Variants in FTCDNL1 observed in about 807,000 individuals in gnomAD.
The protein encoded by FTCDNL1 is formiminotransferase cyclodeaminase N-terminal like.
FTCDNL1 carries 11 observed loss-of-function variants against 5.9 expected under a neutral mutation model. That is an observed-to-expected ratio of 1.87 (90% confidence interval 1.18 to 3.10). FTCDNL1 has a LOEUF of 3.10. Among genes scored for constraint, FTCDNL1 ranks in the 30% most tolerant of loss-of-function variants. The probability of loss-of-function intolerance (pLI) is 0.00; values close to 1 mark genes in which losing one functional copy is unlikely to be tolerated. For synonymous variants in FTCDNL1, 58 were observed against 24.8 expected, an observed-to-expected ratio of 2.34 and a Z score of -3.99; for missense variants, 115 against 65.5, an observed-to-expected ratio of 1.76 and a Z score of -2.61.
intron 3 of FTCDNL1, among the ~76,000 whole-genome samples, chr2:199,845,296 G>A (rs2076701426): frequency 6.6e-6 from 1 of 152,116 alleles, no homozygotes; most frequent in South Asian, 2.1e-4. Context: ...GCCGGGCTCA[G>A]TGGCTCAATC....
the FTCDNL1 span, among the ~76,000 whole-genome samples, chr2:199,728,610 T>C: frequency 6.6e-6 from 1 of 152,134 alleles, no homozygotes; most frequent in Non-Finnish European, 1.5e-5. Flanking sequence ...TTATAAAACT[T>C]ATACCAGGGT....
intron 1 of FTCDNL1, among the ~76,000 whole-genome samples, chr2:199,849,469 T>C (rs993333988): frequency 1.3e-5 from 2 of 152,224 alleles, no homozygotes; most frequent in Non-Finnish European, 2.9e-5. Context: ...CCATGGACAT[T>C]ATACAAATAA....
chr2:199,744,445 CAGAGAG>C, the FTCDNL1 span, among the ~76,000 whole-genome samples: 13,554 of 151,268 alleles, frequency 0.09, 816 homozygotes, highest in Middle Eastern at 0.14. Context: ...CACACACACA[CAGAGAG>C]AGAGAGAGAG....
At chr2:199,717,988 A>AC in the FTCDNL1 span, among the ~76,000 whole-genome samples, 3 of 85,242 alleles carry the variant, frequency 3.5e-5, no homozygotes, top group African/African-American at 7.6e-5. Context: ...CAAAAAAACA[A>AC]AAAAAAAAAA....
chr2:199,693,717 G>A, the FTCDNL1 span, among the ~76,000 whole-genome samples: 1 of 152,126 alleles, frequency 6.6e-6, no homozygotes, highest in African/African-American at 2.4e-5. Flanking sequence ...ATCTCAGAGG[G>A]ATGCTGAGCA....
intron 2 of FTCDNL1, among the ~76,000 whole-genome samples, chr2:199,847,580 G>T (rs913741341): frequency 6.6e-6 from 1 of 152,192 alleles, no homozygotes; most frequent in Non-Finnish European, 1.5e-5. Flanking sequence ...AAGAGGAGCT[G>T]TCAGTGTGAA....
At chr2:199,727,149 G>A in the FTCDNL1 span, among the ~76,000 whole-genome samples, 2 of 152,198 alleles carry the variant, frequency 1.3e-5, no homozygotes, top group Non-Finnish European at 2.9e-5. Flanking sequence ...GAGGAGGAAT[G>A]GATCCAGGTC....
the FTCDNL1 span, among the ~76,000 whole-genome samples, chr2:199,672,186 TC>T: frequency 6.6e-6 from 1 of 152,160 alleles, no homozygotes; most frequent in Non-Finnish European, 1.5e-5. Flanking sequence ...TCCGTCTTCC[TC>T]CCAGGCAGCC....
chr2:199,804,231 C>A (rs1299577256), intron 3 of FTCDNL1, among the ~76,000 whole-genome samples: 1 of 152,100 alleles, frequency 6.6e-6, no homozygotes, highest in Non-Finnish European at 1.5e-5. Context: ...GATACAGGTA[C>A]CTAAGAAGTT....
At chr2:199,741,217 C>G in the FTCDNL1 span, among the ~76,000 whole-genome samples, 1 of 152,080 alleles carries the variant, frequency 6.6e-6, no homozygotes, top group South Asian at 2.1e-4. Flanking sequence ...TCGACGCTGC[C>G]GTGAGCTATG....
At chr2:199,755,931 G>A (rs1304851076), downstream of FTCDNL1, among the ~76,000 whole-genome samples, 2 of 152,150 alleles carry the variant, frequency 1.3e-5, no homozygotes, top group African/African-American at 4.8e-5. Context: ...CAGAATAAGA[G>A]GGCTCTCTGG....
At chr2:199,773,719 G>T (rs931578765) in intron 3 of FTCDNL1, among the ~76,000 whole-genome samples, 6 of 152,156 alleles carry the variant, frequency 3.9e-5, no homozygotes, top group African/African-American at 1.4e-4. Context: ...CATCTATCTT[G>T]CTATGTCCAA....
chr2:199,684,627 G>A, the FTCDNL1 span, among the ~76,000 whole-genome samples: 7 of 152,242 alleles, frequency 4.6e-5, no homozygotes, highest in South Asian at 2.1e-4. Context: ...AATACTGGCC[G>A]TCTCCAAATC....
intron 3 of FTCDNL1, among the ~76,000 whole-genome samples, chr2:199,797,810 G>A (rs756333055): frequency 1.2e-4 from 19 of 152,292 alleles, no homozygotes; most frequent in South Asian, 4.1e-4. Flanking sequence ...GAATGAAGCC[G>A]GGAGAGAAAA....
the FTCDNL1 span, among the ~76,000 whole-genome samples, chr2:199,725,117 A>C: frequency 6.6e-6 from 1 of 152,054 alleles, no homozygotes; most frequent in African/African-American, 2.4e-5. Context: ...GTTGAATTGA[A>C]TCCTTTACCA....
the FTCDNL1 span, among the ~76,000 whole-genome samples, chr2:199,678,659 AC>A: frequency 5.9e-5 from 9 of 152,042 alleles, no homozygotes; most frequent in Admixed American, 1.3e-4. Context: ...ATAAAAAAAA[AC>A]AACCTTAGAA....
chr2:199,849,010 T>C (rs1232536556), intron 1 of FTCDNL1, 41 bp from the exon 2 acceptor site: 5 of 679,922 alleles, frequency 7.4e-6, no homozygotes, highest in African/African-American at 1.8e-5. Context: ...CTAGAGTTGA[T>C]TCATATTTTC....
chr2:199,805,026 C>A (rs1161976332), downstream of FTCDNL1, among the ~76,000 whole-genome samples: 1 of 152,138 alleles, frequency 6.6e-6, no homozygotes, highest in African/African-American at 2.4e-5. Flanking sequence ...CACTGCCCAG[C>A]TGATGCTGGG....
intron 3 of FTCDNL1, among the ~76,000 whole-genome samples, chr2:199,830,795 A>C (rs1702323439): frequency 6.6e-6 from 1 of 152,228 alleles, no homozygotes; most frequent in African/African-American, 2.4e-5. Flanking sequence ...ATTGTGCTAG[A>C]ACATCATTGA....
Sources: gnomAD v4.1 joint callset for allele counts (sites outside exome capture counted in the v4.1 genomes callset) on GRCh38, gnomAD v4.1.1 for gene constraint, MANE v1.5 for transcripts, NCBI Gene and HGNC (gene_info 2026-07-23, HGNC 2026-07-21) for gene names.